FA2H: variants seen among roughly 807,000 people sequenced by gnomAD.
The protein encoded by FA2H is fatty acid 2-hydroxylase.
In FA2H, 22 loss-of-function variants were observed where a neutral mutation model predicts 44.9. The ratio of observed to expected loss-of-function variants is 0.49; its 90% CI spans 0.35 to 0.70. The LOEUF (loss-of-function observed/expected upper bound fraction) is 0.70. Ranked by LOEUF, FA2H falls within the 30% of genes least tolerant of loss-of-function variation. FA2H has a pLI of 0.01. For synonymous variants in FA2H, 243 were observed against 213.2 expected, an observed-to-expected ratio of 1.14 and a Z score of -1.22; for missense variants, 501 against 504.9, an observed-to-expected ratio of 0.99 and a Z score of 0.07.
chr16:74,754,832 A>G (rs537336991), intron 1 of FA2H, among the ~76,000 whole-genome samples: 32 of 152,018 alleles, frequency 2.1e-4, no homozygotes, highest in African/African-American at 7.2e-4. Context: ...CTGGTCAGAA[A>G]TAGGATCTTT....
intron 1 of FA2H, among the ~76,000 whole-genome samples, chr16:74,747,418 C>T (rs1962445877): frequency 6.6e-6 from 1 of 152,090 alleles, no homozygotes; most frequent in Non-Finnish European, 1.5e-5. Context: ...GCACCAAGGG[C>T]GTTACCTCCA....
At position 74,756,386 on chromosome 16, in the gene FA2H, T is replaced by C. The variant is rs78398494; in HGVS notation, c.271-16271A>G. 4.7e-3 allele frequency among the ~76,000 whole-genome samples: 708 copies of C among 152,240 alleles called. 2 individuals are homozygous for C. Among genetic ancestry groups the C allele is most frequent in the African/African-American group, 0.016 (662 of 41,550 alleles). ...GGACAACCACTGTGGGCCACACACATGCTGCTGGGGGCTGCCGCTTGCAAG... is the reference window on the plus strand; with the variant it reads ...GGACAACCACTGTGGGCCACACACACGCTGCTGGGGGCTGCCGCTTGCAAG... On this transcript the variant is annotated intron_variant, in intron 1 of 6. Coordinates refer to ENST00000219368, the MANE Select transcript of FA2H (RefSeq NM_024306.5).
At chr16:74,761,677 C>T (rs1962714457) in intron 1 of FA2H, among the ~76,000 whole-genome samples, 1 of 152,150 alleles carries the variant, frequency 6.6e-6, no homozygotes, top group South Asian at 2.1e-4. Context: ...ACCTCCTACC[C>T]CAACTTTGCC....
At chr16:74,757,134 C>G (rs1397094411) in intron 1 of FA2H, among the ~76,000 whole-genome samples, 2 of 151,772 alleles carry the variant, frequency 1.3e-5, no homozygotes, top group East Asian at 3.9e-4. Flanking sequence ...CCCTTTACCT[C>G]TAAGGAGAGA....
At chr16:74,715,542 TC>T (rs1961673875) in intron 6 of FA2H, among the ~76,000 whole-genome samples, 1 of 152,242 alleles carries the variant, frequency 6.6e-6, no homozygotes, top group Non-Finnish European at 1.5e-5. Flanking sequence ...ATCCCCTGCC[TC>T]CGCCTCCTAT....
intron 2 of FA2H, among the ~76,000 whole-genome samples, chr16:74,733,636 C>T (rs970880857): frequency 3.3e-5 from 5 of 152,204 alleles, no homozygotes; most frequent in Non-Finnish European, 5.9e-5. Flanking sequence ...ACTTGCTGGT[C>T]GTTTCCAACA....
chr16:74,762,103 C>T (rs2075753577), intron 1 of FA2H, among the ~76,000 whole-genome samples: 1 of 152,038 alleles, frequency 6.6e-6, no homozygotes, highest in African/African-American at 2.4e-5. Flanking sequence ...AGTGCAGTGG[C>T]GTGATCTCGG....
intron 4 of FA2H, among the ~76,000 whole-genome samples, chr16:74,721,093 G>A (rs1961825916): frequency 2.6e-5 from 4 of 152,168 alleles, no homozygotes; most frequent in African/African-American, 7.2e-5. Flanking sequence ...GAGTGGTACT[G>A]TTGGTTCATA....
At chr16:74,733,077 G>T (rs1477868437) in intron 2 of FA2H, among the ~76,000 whole-genome samples, 2 of 152,212 alleles carry the variant, frequency 1.3e-5, no homozygotes, top group Admixed American at 6.5e-5. Flanking sequence ...CTGGGGCCGT[G>T]GAGGGCCTCA....
chr16:74,734,963 C>T (rs550068909), intron 2 of FA2H, among the ~76,000 whole-genome samples: 8 of 152,168 alleles, frequency 5.3e-5, no homozygotes, highest in Admixed American at 6.5e-5. Context: ...TCCAGGCAGC[C>T]GGGGCTGCGG....
At position 74,716,844 on chromosome 16, in the gene FA2H, GGGATGGGCA is replaced by G. The variant is rs934509108; in HGVS notation, c.787-254_787-246del. Reference sequence around the variant, plus strand: ...GATTGCAAAGGAACATGGGATGGGCGGGATGGGCAGGATGGGCAGGATGGGTGGGGTGTG... The same window carrying G: ...GATTGCAAAGGAACATGGGATGGGCGGGATGGGCAGGATGGGTGGGGTGTG... On this transcript the variant is annotated intron_variant, in intron 5 of 6. Coordinates refer to ENST00000219368, the MANE Select transcript of FA2H (RefSeq NM_024306.5). The G allele has an allele frequency of 1.5e-4, 78 of 525,116 alleles. No individual in the cohort carries two copies. In the Middle Eastern group the frequency reaches 1.5e-3, roughly 10 times the overall value. The allele number at this position is 525,116 out of a possible 1,614,324, so 32.5% of individuals were successfully genotyped here. A position where few individuals can be genotyped will look rare whatever the true frequency, so the allele number is the denominator to read the frequency against.
intron 2 of FA2H, among the ~76,000 whole-genome samples, chr16:74,733,775 G>C (rs1962126196): frequency 6.6e-6 from 1 of 152,230 alleles, no homozygotes; most frequent in African/African-American, 2.4e-5. Context: ...AATTGCCTTA[G>C]CTCATTGCCA....
chr16:74,731,515 T>C (rs761564514), intron 2 of FA2H, among the ~76,000 whole-genome samples: 24 of 152,138 alleles, frequency 1.6e-4, no homozygotes, highest in Non-Finnish European at 2.9e-4. Context: ...CTGGTTTTCT[T>C]TTCTCATTCT....
chr16:74,774,408 C>T, intron 1 of FA2H, 78 bp downstream of exon 1: 2 of 1,376,316 alleles, frequency 1.5e-6, no homozygotes, highest in Non-Finnish European at 1.9e-6. Flanking sequence ...TGCTAGAGGG[C>T]AAGTGAACGG....
At position 74,716,444 on chromosome 16, in the gene FA2H, G is replaced by T; in HGVS notation, c.942C>A (p.Thr314=). The change falls in exon 6 of 7, where the codon ACC becomes ACA. Residue 314 remains threonine, a synonymous_variant. Transcript: ENST00000219368. ...GLLGYVLYDM[T]HYYLHFGSPH... ...GCGAGCCAAAGTGCAGGTAGTAATGGGTCATGTCATAGAGGACGTAGCCCA... is the reference window on the plus strand; with the variant it reads ...GCGAGCCAAAGTGCAGGTAGTAATGTGTCATGTCATAGAGGACGTAGCCCA... The T allele has an allele frequency of 4.3e-6, 7 of 1,613,998 alleles. No individual in the cohort carries two copies. Among genetic ancestry groups the T allele is most frequent in the Non-Finnish European group, 5.9e-6 (7 of 1,180,008 alleles).
chr16:74,728,197 G>A (rs1353149064), intron 2 of FA2H, among the ~76,000 whole-genome samples: 1 of 152,198 alleles, frequency 6.6e-6, no homozygotes, highest in Non-Finnish European at 1.5e-5. Context: ...GCTGAGGCAG[G>A]ATAACTGCTT....
chr16:74,748,639 C>T (rs1962471517), intron 1 of FA2H, among the ~76,000 whole-genome samples: 1 of 152,174 alleles, frequency 6.6e-6, no homozygotes, highest in East Asian at 1.9e-4. Flanking sequence ...ACCCTGTCCT[C>T]CCTAGAGAGG....
chr16:74,723,895 T>C (rs955496942), intron 4 of FA2H, among the ~76,000 whole-genome samples: 3 of 151,826 alleles, frequency 2.0e-5, no homozygotes, highest in South Asian at 4.1e-4. Context: ...TATATAATAA[T>C]ATTAATATTA....
chr16:74,747,874 T>A (rs994800631), intron 1 of FA2H, among the ~76,000 whole-genome samples: 2 of 152,198 alleles, frequency 1.3e-5, no homozygotes, highest in Admixed American at 6.5e-5. Flanking sequence ...TAACAAGGCC[T>A]GAATCAGCTA....
Sources: gnomAD v4.1 joint callset for allele counts (sites outside exome capture counted in the v4.1 genomes callset) on GRCh38, gnomAD v4.1.1 for gene constraint, MANE v1.5 for transcripts, NCBI Gene and HGNC (gene_info 2026-07-23, HGNC 2026-07-21) for gene names.